CPEB1: variants seen among roughly 807,000 people sequenced by gnomAD.
The protein encoded by CPEB1 is cytoplasmic polyadenylation element-binding protein 1.
CPEB1 carries 7 observed loss-of-function variants against 65.8 expected under a neutral mutation model. The observed-to-expected ratio is 0.11, with a 90% CI of 0.06 to 0.20. The LOEUF is 0.20. Among genes scored for constraint, CPEB1 ranks in the 10% least tolerant of loss-of-function variants. The pLI is 1.00. For missense variants in CPEB1, 551 were observed against 712.2 expected (o/e 0.77, Z 2.58); for synonymous variants, 262 against 260.0 (o/e 1.01, Z -0.08).
At chr15:82,552,815 G>A (rs1237652021) in intron 8 of CPEB1, among the ~76,000 whole-genome samples, 199 bp from the exon 9 acceptor site, 1 of 152,198 alleles carries the variant, frequency 6.6e-6, no homozygotes, top group Admixed American at 6.5e-5. Flanking sequence ...CTCCCACCCT[G>A]GTGAAGGAAA....
intron 3 of CPEB1, among the ~76,000 whole-genome samples, chr15:82,626,231 C>T (rs766527234): frequency 3.3e-5 from 5 of 150,532 alleles, no homozygotes; most frequent in South Asian, 2.1e-4. Context: ...GTCAGGACAT[C>T]GAGACCATCC....
At chr15:82,587,645 A>T (rs1403523335) in intron 3 of CPEB1, among the ~76,000 whole-genome samples, 1 of 152,232 alleles carries the variant, frequency 6.6e-6, no homozygotes, top group Non-Finnish European at 1.5e-5. Context: ...CAAATTGTTT[A>T]TAGCAAATGT....
intron 3 of CPEB1, among the ~76,000 whole-genome samples, chr15:82,617,217 T>C (rs772675989): frequency 1.1e-4 from 17 of 152,232 alleles, no homozygotes; most frequent in Non-Finnish European, 2.2e-4. Context: ...CTGAAATTCA[T>C]CCATGTTGTA....
rs2303846 is a variant in CPEB1, at chr15:82,544,529, G to A, written c.*63C>T. The A allele has an allele frequency of 0.093, 118,161 of 1,267,352 alleles. 7,247 individuals are homozygous for A. Among genetic ancestry groups the A allele is most frequent in the African/African-American group, 0.24 (16,299 of 68,414 alleles). 78.5% of individuals were successfully genotyped at this position (1,267,352 alleles called of 1,614,324 possible). ...CCCTGGTCGCCAGTGGCAGGGTGGT[G>A]CAGGCTGCTTGCCTGACCTGCCAGC... On this transcript the variant is annotated 3_prime_UTR_variant, in exon 13 of 13. Coordinates refer to ENST00000684509, the MANE Select transcript of CPEB1 (RefSeq NM_001365242.1).
At chr15:82,546,355 A>G (rs1407980012) in intron 12 of CPEB1, 86 bp downstream of exon 12, 19 of 1,084,608 alleles carry the variant, frequency 1.8e-5, no homozygotes, top group Non-Finnish European at 2.4e-5. Context: ...TTGGCATCCC[A>G]AAGTGCTGGG....
chr15:82,546,553 G>A (rs1595988388), intron 11 of CPEB1, 32 bp from the exon 12 acceptor site: 1 of 1,553,912 alleles, frequency 6.4e-7, no homozygotes, highest in Non-Finnish European at 8.9e-7. Context: ...TGATGAAGTG[G>A]CTCTTCTTAC....
chr15:82,608,815 G>A (rs1323932024), intron 3 of CPEB1, among the ~76,000 whole-genome samples: 1 of 152,010 alleles, frequency 6.6e-6, no homozygotes, highest in Non-Finnish European at 1.5e-5. Flanking sequence ...ACAGTATCAG[G>A]AAGGAAACTG....
intron 2 of CPEB1, 26 bp from the exon 3 acceptor site, chr15:82,627,393 T>C: frequency 1.3e-6 from 2 of 1,576,548 alleles, no homozygotes; most frequent in Non-Finnish European, 1.7e-6. Flanking sequence ...AAAAGATATT[T>C]AGGTTTTCTA....
chr15:82,573,249 TAAAGC>T, intron 3 of CPEB1: 5 of 939,128 alleles, frequency 5.3e-6, no homozygotes, highest in Non-Finnish European at 6.1e-6. Flanking sequence ...TTTTTTTTTT[TAAAGC>T]TTTGCTGCTG....
chr15:82,628,585 T>A (rs571285188), intron 1 of CPEB1, 29 bp from the exon 2 acceptor site: 2 of 610,638 alleles, frequency 3.3e-6, no homozygotes, highest in African/African-American at 3.7e-5. Context: ...TTAGGATTGG[T>A]ACCACATAGA....
intron 3 of CPEB1, among the ~76,000 whole-genome samples, chr15:82,617,158 A>G (rs558771150): frequency 4.6e-5 from 7 of 152,362 alleles, no homozygotes; most frequent in South Asian, 2.1e-4. Context: ...CAACAGAATT[A>G]TGTGGTATAT....
chr15:82,551,390 A>T (rs904600719), intron 9 of CPEB1, among the ~76,000 whole-genome samples: 1 of 152,026 alleles, frequency 6.6e-6, no homozygotes, highest in African/African-American at 2.4e-5. Flanking sequence ...AGAGTGGAAC[A>T]TTTTTTTATA....
At chr15:82,628,173 T>G in intron 2 of CPEB1, 191 bp downstream of exon 2, 1 of 699,456 alleles carries the variant, frequency 1.4e-6, no homozygotes, top group South Asian at 1.5e-5. Context: ...GAAAAATCCA[T>G]GAAAGCCATC....
At chr15:82,642,464 T>C (rs1567243002) in intron 1 of CPEB1, among the ~76,000 whole-genome samples, 1 of 152,178 alleles carries the variant, frequency 6.6e-6, no homozygotes, top group Non-Finnish European at 1.5e-5. Flanking sequence ...GAAGGATCCC[T>C]TAAGCCAGGG....
intron 1 of CPEB1, among the ~76,000 whole-genome samples, chr15:82,631,389 A>G (rs1405076132): frequency 6.6e-6 from 1 of 152,074 alleles, no homozygotes; most frequent in African/African-American, 2.4e-5. Flanking sequence ...TCATCTTATA[A>G]TTACCAATGT....
intron 3 of CPEB1, among the ~76,000 whole-genome samples, chr15:82,611,097 A>C (rs188858600): frequency 3.9e-5 from 6 of 152,054 alleles, no homozygotes; most frequent in Admixed American, 1.3e-4. Flanking sequence ...ACTTCTATTC[A>C]AAACTGTACT....
chr15:82,647,900 G>A (rs1002303152), upstream of CPEB1: 25 of 1,231,350 alleles, frequency 2.0e-5, no homozygotes, highest in South Asian at 5.6e-4. Flanking sequence ...GGGGCTGACG[G>A]GCTGACCGGC....
intron 3 of CPEB1, among the ~76,000 whole-genome samples, chr15:82,604,719 G>T (rs775876126): frequency 1.3e-5 from 2 of 152,122 alleles, no homozygotes; most frequent in African/African-American, 4.8e-5. Flanking sequence ...TACAGACATG[G>T]AGATTATCCA....
intron 1 of CPEB1, among the ~76,000 whole-genome samples, chr15:82,645,237 C>G (rs2047408396): frequency 6.6e-6 from 1 of 152,132 alleles, no homozygotes; most frequent in South Asian, 2.1e-4. Flanking sequence ...ACTGCAACTT[C>G]CACTTCCTGG....
Sources: allele counts gnomAD v4.1 joint callset (sites outside exome capture counted in the v4.1 genomes callset), GRCh38; gene constraint gnomAD v4.1.1; transcripts MANE v1.5; gene names NCBI Gene and HGNC (gene_info 2026-07-23, HGNC 2026-07-21).